FBXO40: variants seen among roughly 807,000 people sequenced by gnomAD.
The protein encoded by FBXO40 is F-box only protein 40.
Under a neutral mutation model 49.9 loss-of-function variants are expected in FBXO40, and 50 were observed. That is an observed-to-expected ratio of 1.00 (90% CI 0.80 to 1.27). The LOEUF (loss-of-function observed/expected upper bound fraction) is 1.27. Among genes scored for constraint, FBXO40 ranks in the 50% most tolerant of loss-of-function variants. The probability of loss-of-function intolerance (pLI) is 0.00; values close to 1 mark genes in which losing one functional copy is unlikely to be tolerated. For missense variants in FBXO40, 895 were observed against 870.1 expected (o/e 1.03, Z -0.36); for synonymous variants, 340 against 320.2 (o/e 1.06, Z -0.66).
Position 121,621,762 on chromosome 3 carries a change from T to G in FBXO40, c.333T>G (p.Leu111=). The change falls in exon 3 of 4, where the codon CTT becomes CTG. Residue 111 remains leucine, a synonymous_variant. Transcript: ENST00000338040. ...CAAATGTGGACTCTGAAACCACCCT[T>G]CATGAAAACATCATGAAAGAGACCC... is the stretch of plus-strand genomic sequence containing the variant. The part of the protein sequence containing the change: ...RWPNVDSETT[L]HENIMKETPS... 1 of 1,614,186 alleles carries G rather than the reference T, an allele frequency of 6.2e-7. No homozygotes were observed. The highest frequency in any genetic ancestry group is 1.1e-5 in the South Asian group (1 of 91,086).
chr3:121,621,823 C>T lies in FBXO40; in HGVS notation c.394C>T (p.Gln132Ter). The T allele has an allele frequency of 1.2e-6, 2 of 1,614,162 alleles. No individual in the cohort carries two copies. Among genetic ancestry groups the T allele is most frequent in the Non-Finnish European group, 1.7e-6 (2 of 1,180,018 alleles). The change falls in exon 3 of 4, where the codon CAG becomes TAG. Residue 132 changes from glutamine to a stop codon, truncating the protein, a stop_gained. Coordinates refer to ENST00000338040, the MANE Select transcript of FBXO40 (RefSeq NM_016298.4). LOFTEE classifies it high-confidence loss of function. ...EECLDTALAL[Q>*]DQKVLFRSLK... ...GTGTTTGGACACAGCCCTGGCCCTG[C>T]AGGATCAGAAGGTCCTCTTCAGATC...
rs771544526 is a variant in FBXO40 at position 121,630,007 on chromosome 3, G to A, written c.*3097G>A. ...AGGCAGTCCAGAGTAGAGATCAGCC[G>A]AATATGGAGGCTGAGGTCTGTAGAA... On this transcript the variant is annotated 3_prime_UTR_variant, in exon 4 of 4. Transcript: ENST00000338040. 2.6e-5 allele frequency: 4 copies of A among 152,232 alleles called. No individual in the cohort carries two copies. Among genetic ancestry groups the A allele is most frequent in the African/African-American group, 4.8e-5 (2 of 41,458 alleles). The allele number at this position is 152,232 out of a possible 1,614,324, so 9.4% of individuals were successfully genotyped here.
chr3:121,623,960 T>C (rs2049048624), intron 3 of FBXO40, among the ~76,000 whole-genome samples: 1 of 143,700 alleles, frequency 7.0e-6, no homozygotes, highest in Admixed American at 7.3e-5. Flanking sequence ...AGTGCTGGGA[T>C]TACAGGCGTG....
Position 121,622,080 on chromosome 3 carries a change from G to A in FBXO40, c.651G>A (p.Gln217=). Residue 217 remains glutamine (Q), a synonymous_variant, in exon 3 of 4, where the codon CAG becomes CAA. Coordinates refer to ENST00000338040, the MANE Select transcript of FBXO40 (RefSeq NM_016298.4). Reference sequence around the variant, plus strand: ...GGATGGACCTGGTCAAGTTTGGCCAGTGGGAAAATATTTTCAGCAAAGAGC... The same window carrying A: ...GGATGGACCTGGTCAAGTTTGGCCAATGGGAAAATATTTTCAGCAAAGAGC... ...KEGMDLVKFG[Q]WENIFSKEHA... 6.2e-7 allele frequency: 1 copy of A among 1,614,240 alleles called. No individual in the cohort carries two copies. The highest frequency in any genetic ancestry group is 8.5e-7 in the Non-Finnish European group (1 of 1,180,048).
chr3:121,626,243 A>C (rs981168606), intron 3 of FBXO40, among the ~76,000 whole-genome samples: 2 of 150,608 alleles, frequency 1.3e-5, no homozygotes, highest in Non-Finnish European at 3.0e-5. Context: ...GATAGTGCTC[A>C]CTCGGTGGTC....
rs1462530398 is a variant in FBXO40, at chr3:121,629,120, G to T, written c.*2210G>T. The T allele has an allele frequency of 2.0e-5, 3 of 152,208 alleles. No individual in the cohort carries two copies. Among genetic ancestry groups the T allele is most frequent in the Non-Finnish European group, 4.4e-5 (3 of 68,044 alleles). The allele number at this position is 152,208 out of a possible 1,614,324, so 9.4% of individuals were successfully genotyped here. ...CTCAGAGCTGGTGTAGATGAAGTAGGTGAAACCTCTGAAAAGAGTCTAGAA... is the reference window on the plus strand; with the variant it reads ...CTCAGAGCTGGTGTAGATGAAGTAGTTGAAACCTCTGAAAAGAGTCTAGAA... On this transcript the variant is annotated 3_prime_UTR_variant, in exon 4 of 4. Transcript: ENST00000338040.
At chr3:121,618,644 C>G (rs1482884935) in intron 1 of FBXO40, among the ~76,000 whole-genome samples, 1 of 151,702 alleles carries the variant, frequency 6.6e-6, no homozygotes, top group East Asian at 1.9e-4. Flanking sequence ...GATCCACCCG[C>G]TTGGGCCTCC....
chr3:121,621,167 A>G (rs2049027384), intron 2 of FBXO40, among the ~76,000 whole-genome samples: 1 of 152,248 alleles, frequency 6.6e-6, no homozygotes, highest in African/African-American at 2.4e-5. Context: ...AACAATTGTC[A>G]ACAGTGTAGT....
At chr3:121,611,370 G>A (rs1359937279) in intron 1 of FBXO40, among the ~76,000 whole-genome samples, 3 of 152,188 alleles carry the variant, frequency 2.0e-5, no homozygotes, top group Admixed American at 6.5e-5. Context: ...ACAAACATGT[G>A]AGCAATAGAA....
At chr3:121,611,774 A>G (rs1396592250) in intron 1 of FBXO40, among the ~76,000 whole-genome samples, 1 of 152,262 alleles carries the variant, frequency 6.6e-6, no homozygotes, top group Non-Finnish European at 1.5e-5. Flanking sequence ...TCAAGGGCAG[A>G]GGTCCCTGCG....
At chr3:121,597,898 A>G (rs1238099868) in intron 1 of FBXO40, among the ~76,000 whole-genome samples, 2 of 152,036 alleles carry the variant, frequency 1.3e-5, no homozygotes, top group Non-Finnish European at 2.9e-5. Flanking sequence ...CCTGACCTCA[A>G]GTGATCCACC....
chr3:121,626,510 G>A (rs1369229211), intron 3 of FBXO40, among the ~76,000 whole-genome samples, 185 bp from the exon 4 acceptor site: 5 of 152,134 alleles, frequency 3.3e-5, no homozygotes, highest in Non-Finnish European at 5.9e-5. Flanking sequence ...AAGATTATTG[G>A]TTGGCAGGGG....
intron 1 of FBXO40, among the ~76,000 whole-genome samples, chr3:121,614,721 T>A (rs1219045460): frequency 6.6e-6 from 1 of 152,154 alleles, no homozygotes; most frequent in East Asian, 1.9e-4. Flanking sequence ...TCCCCTGGAA[T>A]AGCTTAATGA....
At position 121,628,045 on chromosome 3, in the gene FBXO40, T is replaced by G; in HGVS notation, c.*1135T>G. ...CAAAAATGGATGATACTGCTGTTTT[T>G]GGTAACAAACAGTGAATATTCATAA... On this transcript the variant is annotated 3_prime_UTR_variant, in exon 4 of 4. Transcript: ENST00000338040. 2.5e-6 allele frequency: 1 copy of G among 398,062 alleles called. No individual in the cohort carries two copies. The highest frequency in any genetic ancestry group is 4.4e-6 in the Non-Finnish European group (1 of 226,016). 24.7% of individuals were successfully genotyped at this position (398,062 alleles called of 1,614,324 possible).
At chr3:121,596,284 C>T (rs980541680) in intron 1 of FBXO40, among the ~76,000 whole-genome samples, 7 of 152,158 alleles carry the variant, frequency 4.6e-5, no homozygotes, top group African/African-American at 1.7e-4. Context: ...TCTACAGACT[C>T]TTTCAATAAA....
At chr3:121,603,723 T>A (rs2048913006) in intron 1 of FBXO40, among the ~76,000 whole-genome samples, 1 of 152,072 alleles carries the variant, frequency 6.6e-6, no homozygotes, top group Admixed American at 6.5e-5. Context: ...TTTATTTTTA[T>A]TTTTATTTTT....
intron 1 of FBXO40, among the ~76,000 whole-genome samples, chr3:121,597,926 G>T (rs955910520): frequency 6.6e-6 from 1 of 152,142 alleles, no homozygotes; most frequent in East Asian, 1.9e-4. Flanking sequence ...GCCTCCCAAA[G>T]TGCTGGGATT....
chr3:121,607,921 G>GGATTTTCATAA (rs2048940447), intron 1 of FBXO40, among the ~76,000 whole-genome samples: 1 of 152,126 alleles, frequency 6.6e-6, no homozygotes, highest in South Asian at 2.1e-4. Flanking sequence ...CCAAATGAGT[G>GGATTTTCATAA]GAATTATGAA....
At position 121,621,321 on chromosome 3, in the gene FBXO40, C is replaced by CA. The variant is rs1423560136; in HGVS notation, c.4-107dup. 1.5e-5 allele frequency: 14 copies of CA among 915,926 alleles called. No homozygotes were observed. The Admixed American group carries it at 3.4e-4, about 22-fold the overall frequency. 56.7% of individuals were successfully genotyped at this position (915,926 alleles called of 1,614,324 possible). On this transcript the variant is annotated intron_variant, in intron 2 of 3. Coordinates refer to ENST00000338040, the MANE Select transcript of FBXO40 (RefSeq NM_016298.4). ...TATTCCATATATTTCAAGGTTTCTA[C>CA]AAAAAGCAGGTATAAACAGGAAATA...
Sources: allele counts gnomAD v4.1 joint callset (sites outside exome capture counted in the v4.1 genomes callset), GRCh38; gene constraint gnomAD v4.1.1; transcripts MANE v1.5; gene names NCBI Gene and HGNC (gene_info 2026-07-23, HGNC 2026-07-21).